Variants in GPA33 observed in about 807,000 individuals in gnomAD.
The protein encoded by GPA33 is cell surface A33 antigen.
In GPA33, 27 loss-of-function variants were observed where a neutral mutation model predicts 35.6. The observed-to-expected ratio is 0.76, with a 90% CI of 0.56 to 1.04. The LOEUF (loss-of-function observed/expected upper bound fraction) is 1.04. Ranked by LOEUF, GPA33 falls within the 50% of genes least tolerant of loss-of-function variation. The pLI is 0.00. For missense variants in GPA33, 428 were observed against 411.9 expected, an observed-to-expected ratio of 1.04 and a Z score of -0.34; for synonymous variants, 176 against 164.0, an observed-to-expected ratio of 1.07 and a Z score of -0.56.
chr1:167,088,869 G>T (rs993961712), intron 1 of GPA33, among the ~76,000 whole-genome samples: 3 of 152,142 alleles, frequency 2.0e-5, no homozygotes, highest in Non-Finnish European at 1.5e-5. Flanking sequence ...GGAAGGATGG[G>T]TATTTCCTTC....
intron 4 of GPA33, among the ~76,000 whole-genome samples, chr1:167,061,504 T>A (rs1386401688): frequency 6.7e-6 from 1 of 150,178 alleles, no homozygotes; most frequent in African/African-American, 2.4e-5. Context: ...CAACCAGAAA[T>A]ACGTAAACAC....
At chr1:167,087,482 A>G (rs1006816530) in intron 1 of GPA33, among the ~76,000 whole-genome samples, 51 of 152,306 alleles carry the variant, frequency 3.3e-4, no homozygotes, top group African/African-American at 1.2e-3. Flanking sequence ...TGCCCACACC[A>G]TAGTCAGTTA....
Position 167,054,042 on chromosome 1 carries a change from CA to C in GPA33, c.*291del. 1 of 420,432 alleles carries C rather than the reference CA, an allele frequency of 2.4e-6. No homozygotes were observed. Among genetic ancestry groups the C allele is most frequent in the Non-Finnish European group, 4.3e-6 (1 of 230,208 alleles). 26.0% of individuals were successfully genotyped at this position (420,432 alleles called of 1,614,324 possible). A position where few individuals can be genotyped will look rare whatever the true frequency, so the allele number is the denominator to read the frequency against. Reference sequence around the variant, plus strand: ...GCGCTGTGCTTCCAGGAGCTCCTGCCAACTACGAGGGAAGTGGAGGCTGCAG... The same window carrying C: ...GCGCTGTGCTTCCAGGAGCTCCTGCCACTACGAGGGAAGTGGAGGCTGCAG... On this transcript the variant is annotated 3_prime_UTR_variant, in exon 7 of 7. Coordinates refer to ENST00000367868, the MANE Select transcript of GPA33 (RefSeq NM_005814.3).
intron 1 of GPA33, among the ~76,000 whole-genome samples, chr1:167,088,112 A>C (rs1667090271): frequency 6.6e-6 from 1 of 152,160 alleles, no homozygotes; most frequent in Admixed American, 6.5e-5. Flanking sequence ...TCTTAGCAGA[A>C]TCAATTCCTC....
chr1:167,063,795 AC>A, intron 3 of GPA33, 58 bp from the exon 4 acceptor site: 1 of 1,387,710 alleles, frequency 7.2e-7, no homozygotes, highest in Admixed American at 1.8e-5. Flanking sequence ...GGTGACAGCC[AC>A]CCACCCCTCC....
chr1:167,062,768 G>A (rs1304623619), intron 4 of GPA33, among the ~76,000 whole-genome samples: 1 of 149,264 alleles, frequency 6.7e-6, no homozygotes, highest in African/African-American at 2.4e-5. Flanking sequence ...AAGAAGGTGG[G>A]ACCCTTACAG....
chr1:167,053,183 C>G lies in GPA33; in HGVS notation c.*1151G>C, dbSNP rs1006716794. 2.6e-5 allele frequency: 4 copies of G among 152,234 alleles called. No individual in the cohort carries two copies. Among genetic ancestry groups the G allele is most frequent in the African/African-American group, 4.8e-5 (2 of 41,448 alleles). The allele number at this position is 152,234 out of a possible 1,614,324, so 9.4% of individuals were successfully genotyped here. ...GGGCCAGGGCTGAGGTATCGGGATG[C>G]AGGAACAACCAGGAACCCCATGTGG... is the stretch of plus-strand genomic sequence containing the variant. On this transcript the variant is annotated 3_prime_UTR_variant, in exon 7 of 7. Coordinates refer to ENST00000367868, the MANE Select transcript of GPA33 (RefSeq NM_005814.3).
At chr1:167,072,436 G>A (rs1210255547) in intron 2 of GPA33, among the ~76,000 whole-genome samples, 4 of 152,104 alleles carry the variant, frequency 2.6e-5, no homozygotes, top group African/African-American at 9.7e-5. Flanking sequence ...CCTCACTGTT[G>A]GTGGTGAAAA....
chr1:167,066,798 C>T (rs1307596788), intron 3 of GPA33, among the ~76,000 whole-genome samples: 4 of 152,224 alleles, frequency 2.6e-5, no homozygotes, highest in African/African-American at 9.6e-5. Context: ...CCGCTACAGA[C>T]GTCAGGGGGC....
intron 1 of GPA33, among the ~76,000 whole-genome samples, chr1:167,080,447 ACCTACTAC>A (rs1558010740): frequency 6.6e-6 from 1 of 152,140 alleles, no homozygotes; most frequent in East Asian, 1.9e-4. Context: ...CCTTTGTGTC[ACCTACTAC>A]CCATGGCTTC....
chr1:167,072,606 T>C (rs1238757209), intron 2 of GPA33, among the ~76,000 whole-genome samples: 1 of 152,204 alleles, frequency 6.6e-6, no homozygotes, highest in African/African-American at 2.4e-5. Flanking sequence ...TGCAGCGTTA[T>C]TTGTAGCAGC....
Position 167,073,651 on chromosome 1 carries a change from G to A in GPA33, c.44-112C>T, listed in dbSNP as rs556906395. 6.0e-5 allele frequency: 56 copies of A among 928,868 alleles called. No homozygotes were observed. In the African/African-American group the frequency reaches 7.2e-4, roughly 12 times the overall value. The allele number at this position is 928,868 out of a possible 1,614,324, so 57.5% of individuals were successfully genotyped here. A position where few individuals can be genotyped will look rare whatever the true frequency, so the allele number is the denominator to read the frequency against. ...GTCCAGGGCTGTTCTTGCACCTCCA[G>A]CCACAGCTAGAGCCATCTTGGCCAC... On this transcript the variant is annotated intron_variant, in intron 1 of 6. Coordinates refer to ENST00000367868, the MANE Select transcript of GPA33 (RefSeq NM_005814.3).
chr1:167,076,978 G>A (rs1445391029), intron 1 of GPA33, among the ~76,000 whole-genome samples: 2 of 152,026 alleles, frequency 1.3e-5, no homozygotes, highest in Non-Finnish European at 2.9e-5. Flanking sequence ...GGCCGAGGTG[G>A]ATGGATCACC....
At chr1:167,087,554 G>A (rs958124899) in intron 1 of GPA33, among the ~76,000 whole-genome samples, 4 of 152,132 alleles carry the variant, frequency 2.6e-5, no homozygotes, top group Admixed American at 6.5e-5. Context: ...TAGGAGGGAC[G>A]GGTGGAACAT....
intron 3 of GPA33, among the ~76,000 whole-genome samples, chr1:167,064,159 C>A (rs577175436): frequency 2.0e-5 from 3 of 152,244 alleles, no homozygotes; most frequent in South Asian, 4.1e-4. Flanking sequence ...TGGCACCCAC[C>A]TATAATCCCA....
intron 1 of GPA33, chr1:167,082,422 G>A: frequency 2.4e-6 from 1 of 410,730 alleles, no homozygotes; most frequent in Non-Finnish European, 4.8e-6. Flanking sequence ...ACTGGAAGAT[G>A]AGAAAGCTGA....
chr1:167,055,895 G>A (rs1319391850), intron 4 of GPA33, 46 bp from the exon 5 acceptor site: 20 of 1,608,714 alleles, frequency 1.2e-5, no homozygotes, highest in Non-Finnish European at 1.6e-5. Flanking sequence ...CTACAGTGGA[G>A]TGGAGACAGC....
chr1:167,070,080 G>A (rs138125195), intron 2 of GPA33, among the ~76,000 whole-genome samples: 7 of 152,290 alleles, frequency 4.6e-5, no homozygotes, highest in African/African-American at 1.7e-4. Flanking sequence ...CAGTTGCCTT[G>A]AATCCTAAAA....
At chr1:167,073,622 G>T in intron 1 of GPA33, 83 bp from the exon 2 acceptor site, 1 of 1,234,332 alleles carries the variant, frequency 8.1e-7, no homozygotes, top group Non-Finnish European at 1.1e-6. Flanking sequence ...ACCACTGAGG[G>T]AATGTCCAGG....
Sources: gnomAD v4.1 joint callset for allele counts (sites outside exome capture counted in the v4.1 genomes callset) on GRCh38, gnomAD v4.1.1 for gene constraint, MANE v1.5 for transcripts, NCBI Gene and HGNC (gene_info 2026-07-23, HGNC 2026-07-21) for gene names.